NFILZ: variants seen among roughly 807,000 people sequenced by gnomAD.
NFILZ encodes NFIL3 like basic leucine zipper.
chr19:8,669,548 G>GTGT (rs1415842227), intron 3 of NFILZ, among the ~76,000 whole-genome samples: 1 of 152,194 alleles, frequency 6.6e-6, no homozygotes, highest in Non-Finnish European at 1.5e-5. Context: ...ATTGTTAACT[G>GTGT]TGTGGTTTCT....
At chr19:8,647,545 C>A (rs370092458) in intron 3 of NFILZ, among the ~76,000 whole-genome samples, 76 of 151,464 alleles carry the variant, frequency 5.0e-4, no homozygotes, top group Middle Eastern at 3.4e-3. Context: ...GCACTCCAGC[C>A]TGGGGGACAA....
At chr19:8,631,307 G>A (rs2042868321) in intron 1 of NFILZ, among the ~76,000 whole-genome samples, 1 of 152,146 alleles carries the variant, frequency 6.6e-6, no homozygotes, top group East Asian at 1.9e-4. Flanking sequence ...TCTCTCAGGG[G>A]TGGCCCAGTG....
intron 3 of NFILZ, among the ~76,000 whole-genome samples, chr19:8,657,763 G>A (rs943148668): frequency 6.6e-6 from 1 of 152,156 alleles, no homozygotes; most frequent in African/African-American, 2.4e-5. Context: ...TTTCTGGGGG[G>A]CTCTCAGCCC....
chr19:8,663,744 G>GTGTATGTGTGTGTA (rs1555749451), intron 3 of NFILZ, among the ~76,000 whole-genome samples: 15 of 121,878 alleles, frequency 1.2e-4, no homozygotes, highest in African/African-American at 3.7e-4. Flanking sequence ...GTGTGTGTGT[G>GTGTATGTGTGTGTA]TGTGTGTGTG....
chr19:8,671,593 G>A (rs149439928), intron 3 of NFILZ, among the ~76,000 whole-genome samples: 1,867 of 152,080 alleles, frequency 0.012, 17 homozygotes, highest in Middle Eastern at 0.034. Flanking sequence ...GCTGATTCTG[G>A]TGTGGCTCTT....
intron 3 of NFILZ, among the ~76,000 whole-genome samples, chr19:8,672,942 G>T (rs973251504): frequency 3.3e-5 from 5 of 152,094 alleles, no homozygotes; most frequent in Non-Finnish European, 7.4e-5. Flanking sequence ...AGCTACCTCT[G>T]GGCTCATGGT....
At chr19:8,674,202 G>A (rs560820548) in intron 3 of NFILZ, among the ~76,000 whole-genome samples, 1 of 152,296 alleles carries the variant, frequency 6.6e-6, no homozygotes, top group South Asian at 2.1e-4. Flanking sequence ...GAGCACATGA[G>A]CAGATCACAT....
chr19:8,660,288 C>T (rs2043023624), intron 3 of NFILZ, among the ~76,000 whole-genome samples: 1 of 151,966 alleles, frequency 6.6e-6, no homozygotes, highest in Non-Finnish European at 1.5e-5. Context: ...TACATTCCTT[C>T]ATTCAACAAA....
At chr19:8,661,104 T>TTCCTTCCTTCCTTCCCTCCCTTCCTTCC (rs2043029524) in intron 3 of NFILZ, among the ~76,000 whole-genome samples, 1 of 30,310 alleles carries the variant, frequency 3.3e-5, no homozygotes, top group African/African-American at 1.3e-4. Context: ...CCCTTCCTCC[T>TTCCTTCCTTCCTTCCCTCCCTTCCTTCC]TCCTTCCTTC....
intron 4 of NFILZ, among the ~76,000 whole-genome samples, 45 bp downstream of exon 4, chr19:8,674,645 C>T (rs1017929070): frequency 4.6e-5 from 7 of 151,548 alleles, no homozygotes; most frequent in African/African-American, 9.7e-5. Context: ...TTTCTGAGGG[C>T]GCGTCATCTT....
Position 8,653,038 on chromosome 19 carries a change from TTCTCTCTCTCTC to T in NFILZ, c.-164+17326_-164+17337del, listed in dbSNP as rs1163296485. ...TTTCTTTCTTTCTTTCTTTCTTTCT[TTCTCTCTCTCTC>T]TCTCTCTCTCTCTCTCTCTCTCTCT... On this transcript the variant is annotated intron_variant, in intron 3 of 5. Transcript: ENST00000691075. 7.1e-3 allele frequency among the ~76,000 whole-genome samples: 643 copies of T among 90,176 alleles called. 4 individuals carry two copies. Among genetic ancestry groups the T allele is most frequent in the Middle Eastern group, 0.011 (2 of 178 alleles). The allele number at this position is 90,176 out of a possible 152,430, so 59.2% of individuals were successfully genotyped here.
At chr19:8,650,322 A>G (rs555763177) in intron 3 of NFILZ, among the ~76,000 whole-genome samples, 1 of 152,216 alleles carries the variant, frequency 6.6e-6, no homozygotes, top group African/African-American at 2.4e-5. Flanking sequence ...AGATCAGCAC[A>G]TTGCATGAGT....
intron 2 of NFILZ, among the ~76,000 whole-genome samples, chr19:8,635,322 AT>A (rs1238447922): frequency 1.9e-4 from 6 of 32,008 alleles, no homozygotes; most frequent in Non-Finnish European, 5.4e-4. Flanking sequence ...AAAAAAAAAA[AT>A]TAAAAAAAAA....
At chr19:8,673,226 C>G (rs2146172745) in intron 3 of NFILZ, among the ~76,000 whole-genome samples, 1 of 152,222 alleles carries the variant, frequency 6.6e-6, no homozygotes, top group East Asian at 1.9e-4. Context: ...AGCCACTTAA[C>G]TTTTCCTGAG....
chr19:8,631,846 G>A (rs868938211), intron 1 of NFILZ, among the ~76,000 whole-genome samples: 2,935 of 151,822 alleles, frequency 0.019, 99 homozygotes, highest in African/African-American at 0.067. Flanking sequence ...GTGTGTGTGT[G>A]TGTGTGTGTG....
At chr19:8,643,629 G>A (rs1376241578) in intron 3 of NFILZ, among the ~76,000 whole-genome samples, 4 of 152,144 alleles carry the variant, frequency 2.6e-5, no homozygotes, top group Non-Finnish European at 4.4e-5. Flanking sequence ...TGTGGAATAG[G>A]GACATTGATC....
Position 8,678,146 on chromosome 19 carries a change from TGTCC to T in NFILZ, c.*516_*519del, listed in dbSNP as rs782314104. ...CCATCCCTCCATCCATTCATCCACT[TGTCC>T]GTCCATCCATCCATCCATCCATCCA... On this transcript the variant is annotated 3_prime_UTR_variant, in exon 6 of 6. Transcript: ENST00000691075. Among the ~76,000 whole-genome samples, 2,688 of 7,812 alleles carry T rather than the reference TGTCC, an allele frequency of 0.34. 173 individuals are homozygous for T. The highest frequency in any genetic ancestry group is 0.43 in the Middle Eastern group (6 of 14). The allele number at this position is 7,812 out of a possible 152,430, so 5.1% of individuals were successfully genotyped here. A position where few individuals can be genotyped will look rare whatever the true frequency, so the allele number is the denominator to read the frequency against.
chr19:8,645,729 A>G (rs2042936438), intron 3 of NFILZ, among the ~76,000 whole-genome samples: 1 of 152,092 alleles, frequency 6.6e-6, no homozygotes, highest in East Asian at 1.9e-4. Flanking sequence ...CTACTGGGGA[A>G]GGATTGGGGC....
At chr19:8,641,021 A>C (rs1202962354) in intron 3 of NFILZ, among the ~76,000 whole-genome samples, 1 of 152,152 alleles carries the variant, frequency 6.6e-6, no homozygotes, top group African/African-American at 2.4e-5. Flanking sequence ...TGTTCTCTGC[A>C]AGGTTTGCTT....
Sources: gnomAD v4.1 joint callset for allele counts (sites outside exome capture counted in the v4.1 genomes callset) on GRCh38, gnomAD v4.1.1 for gene constraint, MANE v1.5 for transcripts, NCBI Gene and HGNC (gene_info 2026-07-23, HGNC 2026-07-21) for gene names.